The following UBR1 variants were observed in gnomAD, a reference collection of about 807,000 sequenced individuals.
UBR1 encodes the protein ubiquitin protein ligase E3 component n-recognin 1, also known as E3 ubiquitin-protein ligase UBR1.
UBR1 carries 102 observed loss-of-function variants against 242.1 expected under a neutral mutation model. The ratio of observed to expected loss-of-function variants is 0.42; its 90% CI spans 0.36 to 0.50. The LOEUF (loss-of-function observed/expected upper bound fraction) is 0.50. UBR1 is among the 20% of genes least tolerant of loss of function. The probability of loss-of-function intolerance (pLI) is 0.01; values close to 1 mark genes in which losing one functional copy is unlikely to be tolerated. For synonymous variants in UBR1, 675 were observed against 684.8 expected (o/e 0.99, Z 0.22); for missense variants, 1,772 against 2,101.8 (o/e 0.84, Z 3.07).
intron 15 of UBR1, among the ~76,000 whole-genome samples, 188 bp from the exon 16 acceptor site, chr15:43,038,420 C>A (rs1285138847): frequency 2.0e-5 from 3 of 152,072 alleles, no homozygotes; most frequent in Non-Finnish European, 2.9e-5. Flanking sequence ...ACCAGCCTGG[C>A]CCACATGGTG....
chr15:43,018,907 A>G (rs2033065868), intron 27 of UBR1, among the ~76,000 whole-genome samples: 1 of 152,216 alleles, frequency 6.6e-6, no homozygotes, highest in Admixed American at 6.5e-5. Flanking sequence ...CACCATCTCT[A>G]TGGGATATGA....
intron 29 of UBR1, among the ~76,000 whole-genome samples, chr15:43,014,731 C>A (rs2032985345): frequency 6.7e-6 from 1 of 150,160 alleles, no homozygotes; most frequent in Non-Finnish European, 1.5e-5. Flanking sequence ...GGCAGCCACC[C>A]CGTCTGGGAA....
At chr15:43,031,937 G>A (rs2033263033) in intron 20 of UBR1, among the ~76,000 whole-genome samples, 1 of 152,174 alleles carries the variant, frequency 6.6e-6, no homozygotes, top group Non-Finnish European at 1.5e-5. Flanking sequence ...AGGAGGCTGA[G>A]GCAGAAGAAT....
chr15:43,010,771 G>A (rs995555641), intron 29 of UBR1, among the ~76,000 whole-genome samples: 3 of 141,412 alleles, frequency 2.1e-5, no homozygotes, highest in East Asian at 4.1e-4. Context: ...CCAGGAGTTC[G>A]AGACCAGCCT....
Position 42,966,256 on chromosome 15 carries a change from A to G in UBR1, c.4488T>C (p.Tyr1496=). The G allele has an allele frequency of 6.2e-7, 1 of 1,614,168 alleles. No individual in the cohort carries two copies. Among genetic ancestry groups the G allele is most frequent in the Non-Finnish European group, 8.5e-7 (1 of 1,180,028 alleles). The change falls in exon 41 of 47, where the codon TAT becomes TAC. Residue 1496 remains tyrosine (Y), a synonymous_variant. Transcript: ENST00000290650. ...GSIGCDIPGW[Y]LWVSLKNGIT... is the part of the protein sequence containing the mutation. ...TGCCATTCTTCAGTGAGACCCACAAATACCAGCCAGGAATATCACACCCAA... is the reference window on the plus strand; with the variant it reads ...TGCCATTCTTCAGTGAGACCCACAAGTACCAGCCAGGAATATCACACCCAA...
intron 39 of UBR1, among the ~76,000 whole-genome samples, chr15:42,975,052 A>T (rs565859930): frequency 3.1e-4 from 47 of 152,134 alleles, no homozygotes; most frequent in Non-Finnish European, 6.0e-4. Flanking sequence ...ACCTGCCACC[A>T]CGCTGGCTAA....
At chr15:43,074,448 T>C (rs1283843616) in intron 4 of UBR1, among the ~76,000 whole-genome samples, 1 of 152,210 alleles carries the variant, frequency 6.6e-6, no homozygotes, top group Non-Finnish European at 1.5e-5. Context: ...TTTTCCTTTT[T>C]GAGATAGTCT....
chr15:43,004,407 T>C (rs1030833155), intron 30 of UBR1, among the ~76,000 whole-genome samples: 3 of 152,118 alleles, frequency 2.0e-5, no homozygotes, highest in African/African-American at 7.2e-5. Context: ...GGTCTCCCTC[T>C]GATGCCACCA....
intron 1 of UBR1, among the ~76,000 whole-genome samples, chr15:43,103,770 T>A (rs984039168): frequency 1.3e-5 from 2 of 152,210 alleles, no homozygotes; most frequent in African/African-American, 2.4e-5. Flanking sequence ...TAAACCTCTA[T>A]AAATGTCCCA....
chr15:43,056,428 C>T lies in UBR1; in HGVS notation c.1197G>A (p.Leu399=), dbSNP rs2033620413. The change falls in exon 11 of 47, where the codon CTG becomes CTA. Residue 399 remains leucine (L), a synonymous_variant. Coordinates refer to ENST00000290650, the MANE Select transcript of UBR1 (RefSeq NM_174916.3). ...GATCATCACTGATATATTCTTTCTG[C>T]AGTTGTTTATAATACTGAAATATAT... is the stretch of plus-strand genomic sequence containing the variant. ...AMEFVKYYKQ[L]QKEYISDDHD... 1.2e-6 allele frequency: 2 copies of T among 1,608,450 alleles called. No individual in the cohort carries two copies. The highest frequency in any genetic ancestry group is 1.7e-6 in the Non-Finnish European group (2 of 1,175,074).
At position 43,003,845 on chromosome 15, in the gene UBR1, G is replaced by C; in HGVS notation, c.3501C>G (p.Cys1167Trp). The change falls in exon 31 of 47, where the codon TGC (cysteine) becomes TGG (tryptophan). Residue 1167 changes from cysteine (C) to tryptophan (W), a missense_variant. Coordinates refer to ENST00000290650, the MANE Select transcript of UBR1 (RefSeq NM_174916.3). The stretch of plus-strand genomic sequence containing the variant: ...TCAGAAGGACAACTTACTTCTGCCA[G>C]CACACTGCGTGCATTACATGACCAC... Reference protein sequence around the residue: ...GSCGHVMHAVCWQKYFEAVQL... With the variant: ...GSCGHVMHAVWWQKYFEAVQL... 1 of 1,614,048 alleles carries C rather than the reference G, an allele frequency of 6.2e-7. No individual in the cohort carries two copies. The highest frequency in any genetic ancestry group is 8.5e-7 in the Non-Finnish European group (1 of 1,179,984).
intron 35 of UBR1, among the ~76,000 whole-genome samples, chr15:42,987,136 G>T (rs1289975856): frequency 1.3e-5 from 2 of 152,338 alleles, no homozygotes; most frequent in South Asian, 4.1e-4. Flanking sequence ...TCACGGCCTA[G>T]CCACAGGGGC....
intron 6 of UBR1, among the ~76,000 whole-genome samples, chr15:43,067,675 G>A (rs1022911307): frequency 3.3e-5 from 5 of 152,066 alleles, no homozygotes; most frequent in Admixed American, 3.3e-4. Context: ...AATAAATTCA[G>A]TAACTTTCTA....
chr15:43,082,601 T>G, intron 3 of UBR1, 37 bp downstream of exon 3: 2 of 1,565,462 alleles, frequency 1.3e-6, no homozygotes, highest in Non-Finnish European at 1.8e-6. Flanking sequence ...GCCATCAGAT[T>G]CCTGCTTATT....
At chr15:42,987,173 C>G (rs1809702409) in intron 35 of UBR1, among the ~76,000 whole-genome samples, 1 of 152,242 alleles carries the variant, frequency 6.6e-6, no homozygotes, top group Non-Finnish European at 1.5e-5. Flanking sequence ...CCCCCTGGGG[C>G]AGCAACTGGA....
At chr15:43,011,828 C>CT in intron 29 of UBR1, 1 of 420,716 alleles carries the variant, frequency 2.4e-6, no homozygotes, top group South Asian at 1.7e-5. Context: ...ACGAACAGTT[C>CT]TAAGGAAAAA....
At chr15:43,054,633 TAA>T in intron 12 of UBR1, 107 bp downstream of exon 12, 1 of 1,236,738 alleles carries the variant, frequency 8.1e-7, no homozygotes, top group Non-Finnish European at 1.2e-6. Flanking sequence ...GCCATCATTA[TAA>T]AGAGAATTCT....
intron 29 of UBR1, among the ~76,000 whole-genome samples, chr15:43,014,296 G>A (rs1483295861): frequency 3.9e-5 from 6 of 152,332 alleles, no homozygotes; most frequent in African/African-American, 1.4e-4. Flanking sequence ...CCTCTGCCCA[G>A]CCGCCACCCC....
chr15:43,077,328 G>A (rs1337517566), intron 3 of UBR1, among the ~76,000 whole-genome samples: 5 of 151,846 alleles, frequency 3.3e-5, no homozygotes, highest in Non-Finnish European at 7.4e-5. Flanking sequence ...TCTGCCTTGG[G>A]ATCCTGTTGA....
Sources: allele counts gnomAD v4.1 joint callset (sites outside exome capture counted in the v4.1 genomes callset), GRCh38; gene constraint gnomAD v4.1.1; transcripts MANE v1.5; gene names NCBI Gene and HGNC (gene_info 2026-07-23, HGNC 2026-07-21).